The following DIS3 variants were observed in gnomAD, a reference collection of about 807,000 sequenced individuals.
DIS3 encodes the protein DIS3 exosome endoribonuclease and 3'-5' exoribonuclease, also known as exosome complex exonuclease RRP44.
DIS3 carries 103 observed loss-of-function variants against 113.0 expected under a neutral mutation model. That is an observed-to-expected ratio of 0.91 (90% CI 0.78 to 1.07). The LOEUF is 1.07. Ranked by LOEUF, DIS3 falls within the 50% of genes least tolerant of loss-of-function variation. DIS3 has a pLI of 0.00. For missense variants in DIS3, 1,121 were observed against 1,167.1 expected (o/e 0.96, Z 0.58); for synonymous variants, 402 against 394.3 (o/e 1.02, Z -0.23).
In DIS3 at chr13:72,772,280, A is replaced by G. The variant is rs762528951; in HGVS notation, c.1387-5T>C. ...GTCTTCTCGGTTTTTCATGTCCTAG[A>G]AGACATGAAATGATAAACAAATAAA... is the stretch of plus-strand genomic sequence containing the variant. On this transcript the variant is annotated splice_polypyrimidine_tract_variant and splice_region_variant and intron_variant, in intron 9 of 20. Transcript: ENST00000377767. 5.7e-6 allele frequency: 9 copies of G among 1,584,114 alleles called. No individual in the cohort carries two copies. The highest frequency in any genetic ancestry group is 7.7e-6 in the Non-Finnish European group (9 of 1,161,994).
chr13:72,768,973 T>A, intron 13 of DIS3, 61 bp from the exon 14 acceptor site: 1 of 1,152,000 alleles, frequency 8.7e-7, no homozygotes, highest in Non-Finnish European at 1.2e-6. Flanking sequence ...GTTTTCAATA[T>A]GTCCTCCTAC....
chr13:72,755,166 C>G lies in DIS3; in HGVS notation c.*4629G>C, dbSNP rs1157633861. Reference sequence around the variant, plus strand: ...TTTTTCACAGCAAGACCACACAACACAGAGGTGTTGGATGAAAACAGCAAG... The same window carrying G: ...TTTTTCACAGCAAGACCACACAACAGAGAGGTGTTGGATGAAAACAGCAAG... On this transcript the variant is annotated 3_prime_UTR_variant, in exon 21 of 21. Transcript: ENST00000377767. 3.1e-6 allele frequency: 5 copies of G among 1,613,732 alleles called. No individual in the cohort carries two copies. The East Asian group carries it at 8.9e-5, about 29-fold the overall frequency.
At position 72,770,790 on chromosome 13, in the gene DIS3, T is replaced by A. The variant is rs2033866962; in HGVS notation, c.1755+114A>T. On this transcript the variant is annotated intron_variant, in intron 13 of 20. Transcript: ENST00000377767. ...ACATCTCTTTTCAAATATATAAATA[T>A]TTTTATATATGTGTATATATACGTA... 1.7e-5 allele frequency: 8 copies of A among 460,302 alleles called. No individual in the cohort carries two copies. The East Asian group carries it at 3.0e-4, about 17-fold the overall frequency. The allele number at this position is 460,302 out of a possible 1,614,324, so 28.5% of individuals were successfully genotyped here.
chr13:72,781,661 T>G lies in DIS3; in HGVS notation c.172A>C (p.Ser58Arg). 1 of 1,547,492 alleles carries G rather than the reference T, an allele frequency of 6.5e-7. No individual in the cohort carries two copies. The highest frequency in any genetic ancestry group is 8.7e-7 in the Non-Finnish European group (1 of 1,145,508). ...AAGTAGTGCGGTTGCGGGCAGACGCTGCTCGCCGGGTCCTGGGGCTGCGGC... is the reference window on the plus strand; with the variant it reads ...AAGTAGTGCGGTTGCGGGCAGACGCGGCTCGCCGGGTCCTGGGGCTGCGGC... ...LEPQPQDPAS[S>R]VCPQPHYLLP... is the part of the protein sequence containing the mutation. Residue 58 changes from serine (S) to arginine (R), a missense_variant, in exon 1 of 21, where the codon AGC becomes CGC. By Grantham distance (110) the Ser-to-Arg change is moderately radical. Transcript: ENST00000377767.
At position 72,761,397 on chromosome 13, in the gene DIS3, T is replaced by A; in HGVS notation, c.2636A>T (p.Asp879Val). 6.2e-7 allele frequency: 1 copy of A among 1,608,772 alleles called. No individual in the cohort carries two copies. ...LEGTVFFEEK[D>V]KPNPQLIYDD... ...ATAAATAAGCTGTGGGTTTGGTTTG[T>A]CCTTTTCTTCAAAAAAGACTGTCCC... The change falls in exon 19 of 21, where the codon GAC becomes GTC. Residue 879 changes from aspartate (D) to valine (V), a missense_variant. This residue lies in a region of DIS3 where 861 missense variants were observed against 915.5 expected (regional missense o/e 0.94). Coordinates refer to ENST00000377767, the MANE Select transcript of DIS3 (RefSeq NM_014953.5).
rs558685899 is a variant in DIS3, at chr13:72,762,513, C to T, written c.2128-376G>A. Among the ~76,000 whole-genome samples, 146 of 152,198 alleles carry T rather than the reference C, an allele frequency of 9.6e-4. 5 individuals carry two copies. The South Asian group carries it at 0.029, about 30-fold the overall frequency. On this transcript the variant is annotated intron_variant, in intron 16 of 20. Coordinates refer to ENST00000377767, the MANE Select transcript of DIS3 (RefSeq NM_014953.5). ...ATCTGGAGAAGCTGGGCATGCATGCCGTAAAGGTCTGATCCAAAATCAGAA... is the reference window on the plus strand; with the variant it reads ...ATCTGGAGAAGCTGGGCATGCATGCTGTAAAGGTCTGATCCAAAATCAGAA...
At chr13:72,773,251 T>A (rs2033929380) in intron 8 of DIS3, among the ~76,000 whole-genome samples, 1 of 152,090 alleles carries the variant, frequency 6.6e-6, no homozygotes, top group African/African-American at 2.4e-5. Context: ...GGTGGGTGGA[T>A]CACTTGAGGC....
intron 13 of DIS3, among the ~76,000 whole-genome samples, chr13:72,770,664 C>A (rs187999022): frequency 1.3e-5 from 2 of 152,104 alleles, no homozygotes; most frequent in East Asian, 1.9e-4. Context: ...AGCACGTGCC[C>A]GCAGCTGGGG....
At chr13:72,781,336 C>A (rs559498299) in intron 1 of DIS3, 1 of 1,551,204 alleles carries the variant, frequency 6.4e-7, no homozygotes, top group Non-Finnish European at 8.7e-7. Context: ...CCCAGGTCCC[C>A]GGCCTCCAGG....
In DIS3 at chr13:72,755,935, GAGAATA is replaced by G. The variant is rs2033453476; in HGVS notation, c.*3854_*3859del. 2 of 398,638 alleles carry G rather than the reference GAGAATA, an allele frequency of 5.0e-6. No homozygotes were observed. Among genetic ancestry groups the G allele is most frequent in the East Asian group, 7.1e-5 (2 of 28,076 alleles). The allele number at this position is 398,638 out of a possible 1,614,324, so 24.7% of individuals were successfully genotyped here. A position where few individuals can be genotyped will look rare whatever the true frequency, so the allele number is the denominator to read the frequency against. ...AGCTCAAACGTGGGTAGGGATGTGG[GAGAATA>G]AGAATGTGGGAGAACCAAGAGAAAA... On this transcript the variant is annotated 3_prime_UTR_variant, in exon 21 of 21. Transcript: ENST00000377767.
In DIS3 at chr13:72,776,071, T is replaced by C. The variant is rs1247046919; in HGVS notation, c.676A>G (p.Ile226Val). The C allele has an allele frequency of 6.3e-7, 1 of 1,595,980 alleles. No individual in the cohort carries two copies. The highest frequency in any genetic ancestry group is 8.5e-7 in the Non-Finnish European group (1 of 1,175,452). Residue 226 changes from isoleucine to valine, a missense_variant, in exon 5 of 21, where the codon ATA becomes GTA. Coordinates refer to ENST00000377767, the MANE Select transcript of DIS3 (RefSeq NM_014953.5). ...EEGNEIESGK[I>V]IFSEHLPLSK... ...AAGGGAAGATGCTCTGAAAATATTA[T>C]TTTTCCACTTTCTATTTCATTCTAT...
intron 15 of DIS3, 142 bp from the exon 16 acceptor site, chr13:72,763,749 G>C (rs2033685696): frequency 1.2e-6 from 1 of 801,638 alleles, no homozygotes; most frequent in South Asian, 2.1e-5. Flanking sequence ...GTGTACATTT[G>C]TATTTTAAAT....
intron 2 of DIS3, among the ~76,000 whole-genome samples, chr13:72,779,975 T>A (rs1417477812): frequency 6.6e-6 from 1 of 151,920 alleles, no homozygotes; most frequent in Non-Finnish European, 1.5e-5. Flanking sequence ...ATAGGCAATA[T>A]CATATTTTTG....
At chr13:72,781,130 A>G (rs1566255594) in intron 1 of DIS3, 127 bp from the exon 2 acceptor site, 1 of 1,330,956 alleles carries the variant, frequency 7.5e-7, no homozygotes, top group African/African-American at 1.5e-5. Flanking sequence ...TTAAGCCAAG[A>G]AGCTATTTGG....
At chr13:72,776,317 A>G (rs778000751) in intron 4 of DIS3, among the ~76,000 whole-genome samples, 3 of 152,192 alleles carry the variant, frequency 2.0e-5, no homozygotes, top group Non-Finnish European at 2.9e-5. Context: ...GCCACTAGAC[A>G]CAAGTTTCTC....
chr13:72,753,845 C>T lies in DIS3; in HGVS notation c.*5950G>A. 1 of 1,584,804 alleles carries T rather than the reference C, an allele frequency of 6.3e-7. No individual in the cohort carries two copies. Among genetic ancestry groups the T allele is most frequent in the South Asian group, 1.1e-5 (1 of 89,180 alleles). ...AGGTACGGAGAAAATATAGTGAAAG[C>T]TTAATATTGTTTAGATTAGAAATAT... On this transcript the variant is annotated 3_prime_UTR_variant, in exon 21 of 21. Coordinates refer to ENST00000377767, the MANE Select transcript of DIS3 (RefSeq NM_014953.5).
intron 16 of DIS3, 86 bp downstream of exon 16, chr13:72,763,365 C>A: frequency 2.1e-6 from 3 of 1,434,672 alleles, no homozygotes; most frequent in East Asian, 2.4e-5. Context: ...ACAATAAAAC[C>A]TTTATGGAAA....
chr13:72,763,342 C>T, intron 16 of DIS3, 109 bp downstream of exon 16: 3 of 1,298,478 alleles, frequency 2.3e-6, no homozygotes, highest in South Asian at 3.3e-5. Context: ...TTGGCATATT[C>T]TTGTATTAAC....
intron 19 of DIS3, 50 bp from the exon 20 acceptor site, chr13:72,760,701 C>A (rs766597422): frequency 1.3e-6 from 2 of 1,592,020 alleles, no homozygotes; most frequent in African/African-American, 1.4e-5. Context: ...ACATTTGAGG[C>A]TTTGTTCTAA....
Sources: allele counts gnomAD v4.1 joint callset (sites outside exome capture counted in the v4.1 genomes callset), GRCh38; gene constraint gnomAD v4.1.1; regional missense constraint gnomAD v4.1.1; transcripts MANE v1.5; gene names NCBI Gene and HGNC (gene_info 2026-07-23, HGNC 2026-07-21).